The following QKI variants were observed in gnomAD, a reference collection of about 807,000 sequenced individuals.
QKI encodes the protein KH domain-containing RNA-binding protein QKI.
QKI carries 10 observed loss-of-function variants against 39.0 expected under a neutral mutation model. That is an observed-to-expected ratio of 0.26 (90% CI 0.16 to 0.43). The LOEUF is 0.43. QKI is among the 20% of genes least tolerant of loss of function. The pLI is 1.00. For synonymous variants in QKI, 204 were observed against 155.4 expected (o/e 1.31, Z -2.33); for missense variants, 218 against 428.0 (o/e 0.51, Z 4.33).
chr6:163,567,354 T>C (rs1396223842), intron 7 of QKI: 1 of 985,208 alleles, frequency 1.0e-6, no homozygotes, highest in Non-Finnish European at 1.2e-6. Flanking sequence ...GAAGATAACT[T>C]TCATGTAGTT....
chr6:163,563,790 T>C (rs1783182423), intron 6 of QKI, 71 bp downstream of exon 6: 3 of 1,537,390 alleles, frequency 2.0e-6, no homozygotes, highest in Non-Finnish European at 8.7e-7. Context: ...GATTTTGAAA[T>C]GATTTTATCA....
intron 3 of QKI, among the ~76,000 whole-genome samples, chr6:163,521,175 A>C (rs1337407107): frequency 6.6e-6 from 1 of 152,118 alleles, no homozygotes. Flanking sequence ...ATGTCATCCG[A>C]ATATCAGCCC....
intron 3 of QKI, among the ~76,000 whole-genome samples, chr6:163,502,455 G>A (rs1374875579): frequency 6.6e-6 from 1 of 152,110 alleles, no homozygotes; most frequent in Non-Finnish European, 1.5e-5. Flanking sequence ...ACCTAATGTT[G>A]AGTCAGTAAG....
chr6:163,501,242 CAA>C (rs1251927382), intron 3 of QKI, among the ~76,000 whole-genome samples: 1 of 149,614 alleles, frequency 6.7e-6, no homozygotes, highest in East Asian at 2.0e-4. Flanking sequence ...ACTAGGTGGC[CAA>C]AAGAGATTTC....
chr6:163,464,462 T>G (rs905693722), intron 2 of QKI, among the ~76,000 whole-genome samples: 4 of 152,064 alleles, frequency 2.6e-5, no homozygotes, highest in African/African-American at 9.7e-5. Context: ...AGACCTTTAG[T>G]TGGACTAACC....
intron 1 of QKI, among the ~76,000 whole-genome samples, chr6:163,418,674 C>T (rs1370881490): frequency 6.6e-6 from 1 of 151,986 alleles, no homozygotes; most frequent in Non-Finnish European, 1.5e-5. Context: ...ACACATAAAA[C>T]CTAGGTCTTA....
chr6:163,540,005 G>T (rs1325762024), intron 4 of QKI, among the ~76,000 whole-genome samples: 2 of 151,094 alleles, frequency 1.3e-5, no homozygotes, highest in African/African-American at 2.4e-5. Context: ...CGTAACATGA[G>T]ATACTTTTGT....
Position 163,552,843 on chromosome 6 carries a change from C to T in QKI, c.547-9139C>T, listed in dbSNP as rs73023308. Among the ~76,000 whole-genome samples the T allele has an allele frequency of 8.7e-3, 1,330 of 152,180 alleles. 10 individuals carry two copies. Among genetic ancestry groups the T allele is most frequent in the Middle Eastern group, 0.021 (6 of 292 alleles). The stretch of plus-strand genomic sequence containing the variant: ...TGCTTTACCTTTCTATCTCAGTGCT[C>T]ATTCTGAATATGAATGAGTTTAATA... On this transcript the variant is annotated intron_variant, in intron 4 of 7. Coordinates refer to ENST00000361752, the MANE Select transcript of QKI (RefSeq NM_006775.3).
At chr6:163,439,566 C>A (rs1466690489) in intron 1 of QKI, among the ~76,000 whole-genome samples, 1 of 151,106 alleles carries the variant, frequency 6.6e-6, no homozygotes. Context: ...GTTGGCCAGG[C>A]TGTTCTCAAA....
chr6:163,509,125 G>T (rs1779279713), intron 3 of QKI, among the ~76,000 whole-genome samples: 1 of 152,088 alleles, frequency 6.6e-6, no homozygotes, highest in African/African-American at 2.4e-5. Context: ...GTGACAGAGT[G>T]AGACTCCGTC....
chr6:163,517,060 T>TCG (rs1401242547), intron 3 of QKI, among the ~76,000 whole-genome samples: 1 of 139,868 alleles, frequency 7.1e-6, no homozygotes, highest in Non-Finnish European at 1.5e-5. Context: ...ACACACTCAC[T>TCG]CTCTCTCTCT....
At chr6:163,545,687 G>C (rs571622507) in intron 4 of QKI, among the ~76,000 whole-genome samples, 62 of 151,970 alleles carry the variant, frequency 4.1e-4, no homozygotes, top group Admixed American at 8.5e-4. Context: ...CTTGATTCTT[G>C]TAAGGATTCG....
At chr6:163,474,100 A>G (rs1348849982) in intron 2 of QKI, among the ~76,000 whole-genome samples, 5 of 152,196 alleles carry the variant, frequency 3.3e-5, no homozygotes, top group Admixed American at 3.3e-4. Flanking sequence ...TTGTTTTAAT[A>G]GATAGTGAAA....
At chr6:163,471,685 A>G (rs1412385750) in intron 2 of QKI, among the ~76,000 whole-genome samples, 1 of 152,150 alleles carries the variant, frequency 6.6e-6, no homozygotes, top group Non-Finnish European at 1.5e-5. Context: ...AAATACGTTC[A>G]TATTTTCTTC....
intron 1 of QKI, among the ~76,000 whole-genome samples, chr6:163,453,445 C>T (rs1341251423): frequency 6.6e-6 from 1 of 151,962 alleles, no homozygotes; most frequent in Admixed American, 6.6e-5. Flanking sequence ...GTCCAGAGAC[C>T]TGGCTAAAGG....
intron 3 of QKI, among the ~76,000 whole-genome samples, chr6:163,498,108 G>A (rs1435089977): frequency 1.4e-5 from 2 of 144,032 alleles, no homozygotes; most frequent in African/African-American, 2.6e-5. Context: ...ATCAGTGGAT[G>A]TTTTTGTCCT....
chr6:163,439,331 T>G (rs1036521415), intron 1 of QKI, among the ~76,000 whole-genome samples: 1 of 119,820 alleles, frequency 8.3e-6, no homozygotes, highest in East Asian at 2.1e-4. Flanking sequence ...TCCTTCGTGG[T>G]TTTTTTTTGT....
chr6:163,570,238 A>G (rs1300586352), intron 7 of QKI: 38 of 981,874 alleles, frequency 3.9e-5, no homozygotes, highest in Non-Finnish European at 4.6e-5. Context: ...GTTATTAATA[A>G]TCACATCCAT....
intron 2 of QKI, among the ~76,000 whole-genome samples, chr6:163,462,063 TGA>T (rs1791396079): frequency 6.6e-6 from 1 of 152,184 alleles, no homozygotes. Context: ...TACTAGCTTT[TGA>T]GATAAATTCA....
Sources: gnomAD v4.1 joint callset for allele counts (sites outside exome capture counted in the v4.1 genomes callset) on GRCh38, gnomAD v4.1.1 for gene constraint, MANE v1.5 for transcripts, NCBI Gene and HGNC (gene_info 2026-07-23, HGNC 2026-07-21) for gene names.